The following UBR4 variants were observed in gnomAD, a reference collection of about 807,000 sequenced individuals.
UBR4 encodes the protein E3 ubiquitin-protein ligase UBR4.
UBR4 carries 124 observed loss-of-function variants against 575.6 expected under a neutral mutation model. The ratio of observed to expected loss-of-function variants is 0.22; its 90% CI spans 0.19 to 0.25. UBR4 has a LOEUF of 0.25. Among genes scored for constraint, UBR4 ranks in the 10% least tolerant of loss-of-function variants. The pLI is 1.00. For missense variants in UBR4, 4,818 were observed against 6,478.8 expected (o/e 0.74, Z 8.80); for synonymous variants, 2,455 against 2,473.7 (o/e 0.99, Z 0.22).
chr1:19,101,600 C>G lies in UBR4; in HGVS notation c.12943G>C (p.Glu4315Gln). ...TCCAGATTGTAGCGCTTGGCTGTCT[C>G]AATGCACACAGCCATGAAGGCCTTG... ...ETKAFMAVCI[E>Q]TAKRYNLDDY... Residue 4315 changes from glutamate (E) to glutamine (Q), a missense_variant, in exon 88 of 106, where the codon GAG becomes CAG. Glu to Gln is a conservative substitution (Grantham distance 29). Coordinates refer to ENST00000375254, the MANE Select transcript of UBR4 (RefSeq NM_020765.3). 1 of 1,613,806 alleles carries G rather than the reference C, an allele frequency of 6.2e-7. No individual in the cohort carries two copies. The highest frequency in any genetic ancestry group is 8.5e-7 in the Non-Finnish European group (1 of 1,179,698).
chr1:19,074,677 C>G lies in UBR4; in HGVS notation c.*155G>C, dbSNP rs1041612242. 5 of 820,758 alleles carry G rather than the reference C, an allele frequency of 6.1e-6. No individual in the cohort carries two copies. The highest frequency in any genetic ancestry group is 9.8e-6 in the Non-Finnish European group (5 of 511,560). 50.8% of individuals were successfully genotyped at this position (820,758 alleles called of 1,614,324 possible). On this transcript the variant is annotated 3_prime_UTR_variant, in exon 106 of 106. Transcript: ENST00000375254. ...CACACACACGAGATAAAACAGGAAG[C>G]CTAAAAACCCCAAGCCACACCAAGA...
At chr1:19,132,241 G>A (rs564733300) in intron 60 of UBR4, among the ~76,000 whole-genome samples, 8 of 152,194 alleles carry the variant, frequency 5.3e-5, no homozygotes, top group Admixed American at 3.3e-4. Context: ...GAGTGCAGTG[G>A]CGTGATCTCG....
At chr1:19,112,478 T>C (rs774623135) in intron 78 of UBR4, 46 bp downstream of exon 78, 1 of 1,552,846 alleles carries the variant, frequency 6.4e-7, no homozygotes, top group Admixed American at 1.8e-5. Context: ...TGGCTGCCAG[T>C]GTCAGTAGGA....
At chr1:19,114,369 C>A (rs1267192819) in intron 75 of UBR4, among the ~76,000 whole-genome samples, 1 of 152,172 alleles carries the variant, frequency 6.6e-6, no homozygotes, top group Non-Finnish European at 1.5e-5. Flanking sequence ...GACTCCAAAG[C>A]TAAATGTTCT....
chr1:19,188,030 TTAAATAAATAAATAAA>T lies in UBR4; in HGVS notation c.1395-506_1395-491del, dbSNP rs34415262. Among the ~76,000 whole-genome samples the T allele has an allele frequency of 1.6e-4, 23 of 141,002 alleles. 1 individual carries two copies. In the South Asian group the frequency reaches 4.3e-3, roughly 26 times the overall value. The allele number at this position is 141,002 out of a possible 152,430, so 92.5% of individuals were successfully genotyped here. On this transcript the variant is annotated intron_variant, in intron 11 of 105. Coordinates refer to ENST00000375254, the MANE Select transcript of UBR4 (RefSeq NM_020765.3). ...CAAGACCTTGTCTCAAAACAAAAAA[TTAAATAAATAAATAAA>T]TAAATAAATAAATAAATAAATAAAA...
At chr1:19,155,891 A>G (rs899946056) in intron 42 of UBR4, among the ~76,000 whole-genome samples, 2 of 152,230 alleles carry the variant, frequency 1.3e-5, no homozygotes, top group African/African-American at 4.8e-5. Flanking sequence ...TAAATTCTGA[A>G]ACAAGTATGG....
Position 19,128,234 on chromosome 1 carries a change from C to G in UBR4, c.9088G>C (p.Ala3030Pro). ...ACCTTTTTATCCATACCCAACTCAG[C>G]AATAAGCTGGGAGAGCAGGTTGTCT... is the stretch of plus-strand genomic sequence containing the variant. ...ALDNLLSQLI[A>P]ELGMDKKDVS... Residue 3030 changes from alanine (A) to proline (P), a missense_variant, in exon 62 of 106, where the codon GCT becomes CCT. Physicochemically the swap from Ala to Pro is conservative, Grantham distance 27 (BLOSUM62 -1). Around this residue, in one of 29 missense-constraint regions of UBR4, gnomAD observed 550 missense variants for 791.5 expected, o/e 0.69. Coordinates refer to ENST00000375254, the MANE Select transcript of UBR4 (RefSeq NM_020765.3). 6.2e-7 allele frequency: 1 copy of G among 1,614,040 alleles called. No homozygotes were observed. Among genetic ancestry groups the G allele is most frequent in the Non-Finnish European group, 8.5e-7 (1 of 1,179,914 alleles).
At chr1:19,148,950 C>T (rs966490640) in intron 49 of UBR4, among the ~76,000 whole-genome samples, 8 of 152,188 alleles carry the variant, frequency 5.3e-5, no homozygotes, top group Non-Finnish European at 1.2e-4. Flanking sequence ...GCTTAACAGT[C>T]TTGATGCAAT....
chr1:19,165,057 G>A (rs941101650), intron 31 of UBR4, 60 bp from the exon 32 acceptor site: 74 of 1,591,562 alleles, frequency 4.6e-5, no homozygotes, highest in Non-Finnish European at 4.8e-5. Context: ...AGAAAGAAGG[G>A]GCAAACTGTT....
chr1:19,135,388 G>A (rs998074265), intron 60 of UBR4, among the ~76,000 whole-genome samples: 14 of 152,006 alleles, frequency 9.2e-5, no homozygotes, highest in African/African-American at 3.1e-4. Flanking sequence ...TTGGCTAATC[G>A]ACATAAATGT....
intron 48 of UBR4, 67 bp downstream of exon 48, chr1:19,151,576 A>G (rs1159440310): frequency 1.3e-6 from 2 of 1,511,150 alleles, no homozygotes; most frequent in African/African-American, 2.7e-5. Context: ...GGACAGCCAC[A>G]GGCCAGTGGC....
Position 19,096,598 on chromosome 1 carries a change from C to T in UBR4, c.13443G>A (p.Gln4481=), listed in dbSNP as rs2148956959. The T allele has an allele frequency of 6.2e-7, 1 of 1,613,836 alleles. No homozygotes were observed. Among genetic ancestry groups the T allele is most frequent in the Non-Finnish European group, 8.5e-7 (1 of 1,179,932 alleles). The part of the protein sequence containing the change: ...EVYKMAGVMA[Q]CGGLECMLNR... ...TAAGCATGCATTCCAGGCCCCCACACTGGGCCATCACACCAGCCATTTTAT... is the reference window on the plus strand; with the variant it reads ...TAAGCATGCATTCCAGGCCCCCACATTGGGCCATCACACCAGCCATTTTAT... The change falls in exon 92 of 106, where the codon CAG becomes CAA. Residue 4481 remains glutamine (Q), a synonymous_variant. Transcript: ENST00000375254.
intron 92 of UBR4, chr1:19,095,889 A>G: frequency 2.3e-6 from 1 of 442,532 alleles, no homozygotes; most frequent in Admixed American, 3.7e-5. Flanking sequence ...TACAACGGCA[A>G]TGACAGCAGT....
At chr1:19,156,222 A>G in intron 42 of UBR4, 49 bp downstream of exon 42, 1 of 1,598,474 alleles carries the variant, frequency 6.3e-7, no homozygotes. Context: ...TTCTGGATTT[A>G]AAAGTAGAAA....
At chr1:19,140,360 T>C (rs2083725745) in intron 58 of UBR4, among the ~76,000 whole-genome samples, 1 of 152,186 alleles carries the variant, frequency 6.6e-6, no homozygotes, top group Non-Finnish European at 1.5e-5. Flanking sequence ...GAACAAGAAT[T>C]CTGAAGTATA....
In UBR4 at chr1:19,170,825, T is replaced by C. The variant is rs202074024; in HGVS notation, c.3580A>G (p.Lys1194Glu). ...AAAACAGCAGCAAAGCCTTGCAGTT[T>C]CTCCTTGGAAGGTTTCTCAGTTGTT... ...EGTTEKPSKEKLQGFAAVLAI... is the reference protein window; with the variant it reads ...EGTTEKPSKEELQGFAAVLAI... The change falls in exon 26 of 106, where the codon AAA (lysine) becomes GAA (glutamate). Residue 1194 changes from lysine (K) to glutamate (E), a missense_variant. Physicochemically the swap from Lys to Glu is moderately conservative, Grantham distance 56 (BLOSUM62 1). This residue lies in a region of UBR4 where 1,172 missense variants were observed against 1,259.7 expected (regional missense o/e 0.93). Transcript: ENST00000375254. The C allele has an allele frequency of 1.2e-6, 2 of 1,614,178 alleles. No homozygotes were observed. Among genetic ancestry groups the C allele is most frequent in the South Asian group, 2.2e-5 (2 of 91,084 alleles).
At position 19,101,588 on chromosome 1, in the gene UBR4, G is replaced by A. The variant is rs542127049; in HGVS notation, c.12955C>T (p.Arg4319Cys). ...GTCCGGTAGTCATCCAGATTGTAGC[G>A]CTTGGCTGTCTCAATGCACACAGCC... The part of the protein sequence containing the change: ...FMAVCIETAK[R>C]YNLDDYRTPV... The change falls in exon 88 of 106, where the codon CGC becomes TGC. Residue 4319 changes from arginine to cysteine, a missense_variant. Arg to Cys is a radical substitution (Grantham distance 180). Coordinates refer to ENST00000375254, the MANE Select transcript of UBR4 (RefSeq NM_020765.3). 9 of 1,613,892 alleles carry A rather than the reference G, an allele frequency of 5.6e-6. No homozygotes were observed. Among genetic ancestry groups the A allele is most frequent in the South Asian group, 3.3e-5 (3 of 91,086 alleles).
At chr1:19,134,030 G>A (rs539461904) in intron 60 of UBR4, among the ~76,000 whole-genome samples, 1 of 142,452 alleles carries the variant, frequency 7.0e-6, no homozygotes, top group East Asian at 2.2e-4. Flanking sequence ...AGATTGCAGT[G>A]AGCTGAGATT....
At chr1:19,090,801 A>T (rs932548624) in intron 97 of UBR4, among the ~76,000 whole-genome samples, 1 of 152,242 alleles carries the variant, frequency 6.6e-6, no homozygotes, top group African/African-American at 2.4e-5. Context: ...GTAACTAAGA[A>T]TAAATCTGGA....
Sources: gnomAD v4.1 joint callset for allele counts (sites outside exome capture counted in the v4.1 genomes callset) on GRCh38, gnomAD v4.1.1 for gene constraint, gnomAD v4.1.1 regional missense constraint, MANE v1.5 for transcripts, NCBI Gene and HGNC (gene_info 2026-07-23, HGNC 2026-07-21) for gene names.